The following CASP9 variants were observed in gnomAD, a reference collection of about 807,000 sequenced individuals.
The protein encoded by CASP9 is caspase 9, also known as caspase-9.
Under a neutral mutation model 43.5 loss-of-function variants are expected in CASP9, and 29 were observed. The ratio of observed to expected loss-of-function variants is 0.67; its 90% CI spans 0.50 to 0.91. The LOEUF is 0.91. Ranked by LOEUF, CASP9 falls within the 40% of genes least tolerant of loss-of-function variation. The pLI is 0.00. For missense variants in CASP9, 575 were observed against 537.4 expected (o/e 1.07, Z -0.69); for synonymous variants, 206 against 211.9 (o/e 0.97, Z 0.24).
intron 1 of CASP9, among the ~76,000 whole-genome samples, 184 bp downstream of exon 1, chr1:15,523,885 G>C (rs1289753289): frequency 1.4e-5 from 2 of 138,096 alleles, no homozygotes; most frequent in African/African-American, 6.0e-5. Context: ...AGCACTAACA[G>C]TGTACGCTGA....
At chr1:15,520,806 A>G (rs1231525438) in intron 1 of CASP9, among the ~76,000 whole-genome samples, 2 of 151,986 alleles carry the variant, frequency 1.3e-5, no homozygotes, top group East Asian at 3.9e-4. Flanking sequence ...CAAAAAAATT[A>G]GCTGGGCGTG....
At chr1:15,504,545 G>A in intron 6 of CASP9, 66 bp downstream of exon 6, 1 of 1,519,830 alleles carries the variant, frequency 6.6e-7, no homozygotes, top group African/African-American at 1.4e-5. Context: ...GCAGGCTGGA[G>A]AAAGAAGCAG....
intron 3 of CASP9, 162 bp from the exon 4 acceptor site, chr1:15,507,237 A>G: frequency 1.5e-6 from 1 of 682,522 alleles, no homozygotes; most frequent in Non-Finnish European, 2.4e-6. Flanking sequence ...AGGGAAGACT[A>G]GCACTAGAAG....
At chr1:15,522,776 C>T (rs1710257514) in intron 1 of CASP9, among the ~76,000 whole-genome samples, 1 of 152,146 alleles carries the variant, frequency 6.6e-6, no homozygotes, top group African/African-American at 2.4e-5. Flanking sequence ...CAGCTGGAGA[C>T]GGAGGGCAGT....
intron 2 of CASP9, among the ~76,000 whole-genome samples, chr1:15,511,301 G>A (rs1265730546): frequency 6.6e-6 from 1 of 152,174 alleles, no homozygotes; most frequent in African/African-American, 2.4e-5. Context: ...GTCCAGGCTG[G>A]AGTGCAGTGG....
chr1:15,516,526 AG>A (rs1170260345), intron 2 of CASP9, among the ~76,000 whole-genome samples: 3 of 151,836 alleles, frequency 2.0e-5, no homozygotes, highest in Non-Finnish European at 4.4e-5. Context: ...TTTTTCTTAG[AG>A]ATAGGATCTC....
In CASP9 at chr1:15,523,275, A is replaced by G. The variant is rs4645990; in HGVS notation, c.132+794T>C. ...GATCCCCCGCTCTGTGCCTAGCACT[A>G]CAGTTTCACATCCGTTATTTCATTT... On this transcript the variant is annotated intron_variant, in intron 1 of 8. Transcript: ENST00000333868. 2.5e-3 allele frequency among the ~76,000 whole-genome samples: 380 copies of G among 152,366 alleles called. 4 individuals are homozygous for G. The highest frequency in any genetic ancestry group is 8.8e-3 in the African/African-American group (364 of 41,588).
chr1:15,524,645 G>GC (rs1710379427), upstream of CASP9: 1 of 995,604 alleles, frequency 1.0e-6, no homozygotes, highest in African/African-American at 2.4e-5. Flanking sequence ...CCAACGCCTC[G>GC]CCCCGCCCCA....
chr1:15,498,872 A>G (rs1028777818), intron 6 of CASP9, among the ~76,000 whole-genome samples: 1 of 149,006 alleles, frequency 6.7e-6, no homozygotes, highest in Non-Finnish European at 1.5e-5. Context: ...TCAGCCTCCC[A>G]AGTAGCTGGG....
intron 2 of CASP9, among the ~76,000 whole-genome samples, chr1:15,511,935 G>A (rs1709769592): frequency 6.6e-6 from 1 of 152,004 alleles, no homozygotes; most frequent in Non-Finnish European, 1.5e-5. Context: ...AGGAAGCAGA[G>A]CTGACCAACA....
intron 7 of CASP9, among the ~76,000 whole-genome samples, chr1:15,494,847 A>G (rs1453359494): frequency 7.8e-6 from 1 of 129,010 alleles, no homozygotes. Flanking sequence ...TGGGCAACAG[A>G]GCGAGATTCC....
Position 15,524,059 on chromosome 1 carries a change from G to GGGGGCGA in CASP9, c.132+9_132+10insTCGCCCC. ...CCGTGCAGCGCGGGGACAGGGGGCC[G>GGGGGCGA]GGGGCGCACCTGGATGTCCTCGATC... On this transcript the variant is annotated intron_variant, in intron 1 of 8. Coordinates refer to ENST00000333868, the MANE Select transcript of CASP9 (RefSeq NM_001229.5). 1 of 1,366,692 alleles carries GGGGGCGA rather than the reference G, an allele frequency of 7.3e-7. No individual in the cohort carries two copies. The allele number at this position is 1,366,692 out of a possible 1,614,324, so 84.7% of individuals were successfully genotyped here.
At chr1:15,502,215 G>C (rs1709355327) in intron 6 of CASP9, among the ~76,000 whole-genome samples, 1 of 152,150 alleles carries the variant, frequency 6.6e-6, no homozygotes, top group South Asian at 2.1e-4. Context: ...GCTATGGTAG[G>C]GGAGGGACAG....
At chr1:15,524,220 C>G (rs375945199), upstream of CASP9, 1 of 1,536,380 alleles carries the variant, frequency 6.5e-7, no homozygotes, top group Non-Finnish European at 8.7e-7. Context: ...CCAACTAAGA[C>G]TCCAGGCCGC....
intron 1 of CASP9, among the ~76,000 whole-genome samples, chr1:15,520,590 G>A (rs1281374565): frequency 1.3e-5 from 2 of 152,254 alleles, no homozygotes; most frequent in African/African-American, 2.4e-5. Context: ...CATAAGGGCC[G>A]CTTGAGGGCT....
At chr1:15,508,595 A>G (rs190007622) in intron 2 of CASP9, among the ~76,000 whole-genome samples, 74 of 152,160 alleles carry the variant, frequency 4.9e-4, no homozygotes, top group Non-Finnish European at 8.7e-4. Flanking sequence ...TTGTATTTTT[A>G]GTAGAGACGG....
intron 6 of CASP9, among the ~76,000 whole-genome samples, chr1:15,501,352 G>A (rs759409251): frequency 6.6e-6 from 1 of 151,766 alleles, no homozygotes; most frequent in Non-Finnish European, 1.5e-5. Context: ...ACATGTTGGA[G>A]GGTTTTAAAA....
intron 1 of CASP9, among the ~76,000 whole-genome samples, chr1:15,522,628 C>A (rs1710249061): frequency 6.6e-6 from 1 of 152,172 alleles, no homozygotes; most frequent in Non-Finnish European, 1.5e-5. Context: ...GGCAGGAAGA[C>A]CACTTAAGCC....
intron 6 of CASP9, among the ~76,000 whole-genome samples, chr1:15,496,354 G>A (rs1709104634): frequency 6.6e-6 from 1 of 152,140 alleles, no homozygotes; most frequent in Non-Finnish European, 1.5e-5. Flanking sequence ...ATAAGATCAG[G>A]AAGAAGGCAA....
Sources: allele counts gnomAD v4.1 joint callset (sites outside exome capture counted in the v4.1 genomes callset), GRCh38; gene constraint gnomAD v4.1.1; transcripts MANE v1.5; gene names NCBI Gene and HGNC (gene_info 2026-07-23, HGNC 2026-07-21).